IKBKE: variants seen among roughly 807,000 people sequenced by gnomAD.
The protein encoded by IKBKE is inhibitor of nuclear factor kappa B kinase subunit epsilon.
A neutral mutation model predicts 92.1 loss-of-function variants in IKBKE; 45 were observed. The observed-to-expected ratio is 0.49, with a 90% CI of 0.38 to 0.63. The LOEUF (loss-of-function observed/expected upper bound fraction) is 0.63, where lower values mean the gene tolerates loss of function less well. Among genes scored for constraint, IKBKE ranks in the 20% least tolerant of loss-of-function variants. IKBKE has a pLI of 0.00. For missense variants in IKBKE, 700 were observed against 932.8 expected, an observed-to-expected ratio of 0.75 and a Z score of 3.25; for synonymous variants, 374 against 380.3, an observed-to-expected ratio of 0.98 and a Z score of 0.19.
Position 206,493,027 on chromosome 1 carries a change from G to A in IKBKE, c.1840G>A (p.Val614Met), listed in dbSNP as rs782592319. 2 of 1,567,730 alleles carry A rather than the reference G, an allele frequency of 1.3e-6. No individual in the cohort carries two copies. The highest frequency in any genetic ancestry group is 1.7e-6 in the Non-Finnish European group (2 of 1,155,410). The change falls in exon 19 of 22, where the codon GTG becomes ATG. Residue 614 changes from valine to methionine, a missense_variant. Coordinates refer to ENST00000581977, the MANE Select transcript of IKBKE (RefSeq NM_014002.4). ...GTCTCTGTGTGTTCTCTTGAGGGTGGTGCACGAGACCAGGAACCACCTGCG... is the reference window on the plus strand; with the variant it reads ...GTCTCTGTGTGTTCTCTTGAGGGTGATGCACGAGACCAGGAACCACCTGCG... ...LVTHGKRMRV[V>M]HETRNHLRLV...
At position 206,480,112 on chromosome 1, in the gene IKBKE, ATG is replaced by A; in HGVS notation, c.1340+2_1340+3del. ...AATGTTTCGGGGGCTGCACTGGGTCATGTGAGTAATCATGAGGGCTGGGCACA... is the reference window on the plus strand; with the variant it reads ...AATGTTTCGGGGGCTGCACTGGGTCATGAGTAATCATGAGGGCTGGGCACA... On this transcript the variant is annotated splice_donor_variant and coding_sequence_variant, in exon 12 of 22. Transcript: ENST00000581977. LOFTEE classifies it high-confidence loss of function. 6.5e-7 allele frequency: 1 copy of A among 1,528,052 alleles called. No individual in the cohort carries two copies. Among genetic ancestry groups the A allele is most frequent in the Non-Finnish European group, 8.8e-7 (1 of 1,135,192 alleles). 94.7% of individuals were successfully genotyped at this position (1,528,052 alleles called of 1,614,324 possible).
At chr1:206,489,400 T>TATATATATATATATATATATATAG (rs879950187) in intron 16 of IKBKE, among the ~76,000 whole-genome samples, 2 of 110,608 alleles carry the variant, frequency 1.8e-5, no homozygotes, top group African/African-American at 6.5e-5. Flanking sequence ...TATATATATA[T>TATATATATATATATATATATATAG]ACACACACAC....
intron 3 of IKBKE, among the ~76,000 whole-genome samples, chr1:206,473,759 C>T (rs917203673): frequency 2.0e-5 from 3 of 151,838 alleles, no homozygotes; most frequent in Non-Finnish European, 4.4e-5. Context: ...GTCAGGAGAT[C>T]GAGACCATCC....
Position 206,473,314 on chromosome 1 carries a change from G to A in IKBKE, c.87G>A (p.Lys29=), listed in dbSNP as rs1173541599. 1 of 1,610,638 alleles carries A rather than the reference G, an allele frequency of 6.2e-7. No homozygotes were observed. Among genetic ancestry groups the A allele is most frequent in the Admixed American group, 1.7e-5 (1 of 59,712 alleles). ...ATASVYKARN[K]KSGELVAVKV... is the part of the protein sequence containing the mutation. ...CCAGTGTGTACAAGGCCCGCAACAA[G>A]GTAGGAAGCAACCCTGGCCAGGCCC... Residue 29 remains lysine, a splice_region_variant and synonymous_variant, in exon 3 of 22, where the codon AAG becomes AAA. Transcript: ENST00000581977.
At chr1:206,494,232 G>C (rs893742607) in intron 21 of IKBKE, among the ~76,000 whole-genome samples, 12 of 152,184 alleles carry the variant, frequency 7.9e-5, no homozygotes, top group African/African-American at 2.9e-4. Context: ...GGGCCTGGAG[G>C]CATGGGGTTT....
Position 206,493,077 on chromosome 1 carries a change from C to T in IKBKE, c.1890C>T (p.Ala630=), listed in dbSNP as rs572935362. 1.9e-6 allele frequency: 3 copies of T among 1,591,588 alleles called. No homozygotes were observed. The highest frequency in any genetic ancestry group is 2.6e-6 in the Non-Finnish European group (3 of 1,169,424). ...HLRLVGCSVA[A]CNTEAQGVQE... ...GCCTGGTTGGCTGTTCTGTGGCTGC[C>T]TGTAACACAGAAGCCCAGGGGGTCC... Residue 630 remains alanine (A), a synonymous_variant, in exon 19 of 22, where the codon GCC becomes GCT. Coordinates refer to ENST00000581977, the MANE Select transcript of IKBKE (RefSeq NM_014002.4).
Position 206,474,339 on chromosome 1 carries a change from A to G in IKBKE, c.96A>G (p.Gly32=). The part of the protein sequence containing the change: ...SVYKARNKKS[G]ELVAVKVFNT... ...TCCCTCCCCAATGGCAGAAATCCGG[A>G]GAGCTGGTTGCTGTGAAGGTCTTCA... The change falls in exon 4 of 22, where the codon GGA becomes GGG. Residue 32 remains glycine, a synonymous_variant. Transcript: ENST00000581977. 6.2e-7 allele frequency: 1 copy of G among 1,612,934 alleles called. No individual in the cohort carries two copies. Among genetic ancestry groups the G allele is most frequent in the African/African-American group, 1.3e-5 (1 of 75,042 alleles).
chr1:206,495,971 G>A (rs905232047), intron 21 of IKBKE, 141 bp from the exon 22 acceptor site: 15 of 590,536 alleles, frequency 2.5e-5, no homozygotes, highest in Non-Finnish European at 4.3e-5. Context: ...GGTTCTTGTC[G>A]GGGAGTGAGG....
Position 206,487,143 on chromosome 1 carries a change from C to T in IKBKE, c.1617-771C>T, listed in dbSNP as rs2103475913. ...CTGTGCTCTGTTCAGAGTCAAGCTC[C>T]AGAAATAGCAGAGATGGGGTCACTT... On this transcript the variant is annotated intron_variant, in intron 15 of 21. Coordinates refer to ENST00000581977, the MANE Select transcript of IKBKE (RefSeq NM_014002.4). This position sits in a 1 kb window ranked among gnomAD's most constrained non-coding sequence, Gnocchi z 5.3. Among the ~76,000 whole-genome samples, 1 of 152,326 alleles carries T rather than the reference C, an allele frequency of 6.6e-6. No homozygotes were observed. Among genetic ancestry groups the T allele is most frequent in the East Asian group, 1.9e-4 (1 of 5,190 alleles).
chr1:206,491,783 G>A (rs1553390485), intron 18 of IKBKE, 34 bp downstream of exon 18: 2 of 1,466,990 alleles, frequency 1.4e-6, no homozygotes, highest in East Asian at 2.3e-5. Flanking sequence ...GGAGCCCAGG[G>A]CCTGGCCTGG....
At chr1:206,475,737 C>CAAAAAAAAAAAAA (rs535787711) in intron 5 of IKBKE, among the ~76,000 whole-genome samples, 2 of 92,738 alleles carry the variant, frequency 2.2e-5, no homozygotes, top group African/African-American at 8.9e-5. Flanking sequence ...ACTCTGTCTC[C>CAAAAAAAAAAAAA]AAAAAAAAAA....
At chr1:206,491,230 T>C in intron 17 of IKBKE, 2 of 382,636 alleles carry the variant, frequency 5.2e-6, no homozygotes, top group South Asian at 5.8e-5. Context: ...CACACTCACG[T>C]CCAGGAGGCC....
chr1:206,488,072 A>G (rs1665760762), intron 16 of IKBKE, 82 bp downstream of exon 16: 1 of 1,056,022 alleles, frequency 9.5e-7, no homozygotes, highest in Non-Finnish European at 1.4e-6. Context: ...TGGTGCTACC[A>G]GTGGCCACTA....
rs1484458925 is a variant in IKBKE, at chr1:206,490,804, G to T, written c.1694-15G>T. On this transcript the variant is annotated splice_polypyrimidine_tract_variant and intron_variant, in intron 16 of 21. Coordinates refer to ENST00000581977, the MANE Select transcript of IKBKE (RefSeq NM_014002.4). The surrounding 1 kb of genome is among the most constrained non-coding windows in gnomAD (Gnocchi z 5.2). Reference sequence around the variant, plus strand: ...TGATTGAATAGGTGACATCTGTTCTGTCTGTTTCCTCCAGGGCTTGGCTAC... The same window carrying T: ...TGATTGAATAGGTGACATCTGTTCTTTCTGTTTCCTCCAGGGCTTGGCTAC... 3 of 1,613,806 alleles carry T rather than the reference G, an allele frequency of 1.9e-6. No homozygotes were observed. Among genetic ancestry groups the T allele is most frequent in the Non-Finnish European group, 2.5e-6 (3 of 1,179,788 alleles).
chr1:206,482,727 C>T (rs983193498), intron 13 of IKBKE, among the ~76,000 whole-genome samples: 5 of 152,250 alleles, frequency 3.3e-5, no homozygotes, highest in African/African-American at 1.2e-4. Flanking sequence ...CCTCTGTGTC[C>T]TCATTTTCAA....
At chr1:206,473,444 C>T (rs1664885423) in intron 3 of IKBKE, 130 bp downstream of exon 3, 5 of 663,226 alleles carry the variant, frequency 7.5e-6, no homozygotes. Context: ...TTGTGTAGCA[C>T]ACTCATACTG....
intron 3 of IKBKE, 37 bp from the exon 4 acceptor site, chr1:206,474,294 C>T (rs375643521): frequency 2.6e-4 from 407 of 1,591,600 alleles, no homozygotes; most frequent in Non-Finnish European, 3.5e-4. Flanking sequence ...ATGTGCTAAT[C>T]CCATGCTGTC....
In IKBKE at chr1:206,476,700, C is replaced by T. The variant is rs782704785; in HGVS notation, c.563C>T (p.Ala188Val). 1.1e-5 allele frequency: 18 copies of T among 1,614,210 alleles called. No homozygotes were observed. The highest frequency in any genetic ancestry group is 4.5e-5 in the East Asian group (2 of 44,890). Residue 188 changes from alanine to valine, a missense_variant, in exon 7 of 22, where the codon GCG (alanine) becomes GTG (valine). Ala to Val is a moderately conservative substitution (Grantham distance 64). Transcript: ENST00000581977. This position sits in a 1 kb window ranked among gnomAD's most constrained non-coding sequence, Gnocchi z 5.1. The stretch of plus-strand genomic sequence containing the variant: ...CAGCATCCCGACATGTATGAGCGGG[C>T]GGTGCTTCGAAAGCCCCAGCAAAAA... Reference protein sequence around the residue: ...EYLHPDMYERAVLRKPQQKAF... With the variant: ...EYLHPDMYERVVLRKPQQKAF...
In IKBKE at chr1:206,476,121, C is replaced by G; in HGVS notation, c.359-60C>G. The stretch of plus-strand genomic sequence containing the variant: ...AGGACAGCCTTCCCACCAAGATGAG[C>G]CTCAGACACTAGACTGTCCCCGACC... On this transcript the variant is annotated intron_variant, in intron 5 of 21. Coordinates refer to ENST00000581977, the MANE Select transcript of IKBKE (RefSeq NM_014002.4). The surrounding 1 kb of genome is among the most constrained non-coding windows in gnomAD (Gnocchi z 5.1). 2 of 1,539,026 alleles carry G rather than the reference C, an allele frequency of 1.3e-6. No homozygotes were observed. Among genetic ancestry groups the G allele is most frequent in the Non-Finnish European group, 1.8e-6 (2 of 1,118,642 alleles).
Sources: gnomAD v4.1 joint callset for allele counts (sites outside exome capture counted in the v4.1 genomes callset) on GRCh38, gnomAD v4.1.1 for gene constraint, Gnocchi (gnomAD v3.1) non-coding constraint, MANE v1.5 for transcripts, NCBI Gene and HGNC (gene_info 2026-07-23, HGNC 2026-07-21) for gene names.